Variants in GRIA1 observed in about 807,000 individuals in gnomAD.
GRIA1 encodes glutamate receptor 1.
Under a neutral mutation model 99.2 loss-of-function variants are expected in GRIA1, and 31 were observed. That is an observed-to-expected ratio of 0.31 (90% CI 0.23 to 0.42). The LOEUF (loss-of-function observed/expected upper bound fraction) is 0.42, where lower values mean the gene tolerates loss of function less well. Among genes scored for constraint, GRIA1 ranks in the 10% least tolerant of loss-of-function variants. The pLI is 1.00. For missense variants in GRIA1, 782 were observed against 1,157.5 expected, an observed-to-expected ratio of 0.68 and a Z score of 4.71; for synonymous variants, 438 against 432.4, an observed-to-expected ratio of 1.01 and a Z score of -0.16.
chr5:153,778,756 A>G (rs754521472), intron 13 of GRIA1, among the ~76,000 whole-genome samples: 13 of 152,078 alleles, frequency 8.5e-5, no homozygotes, highest in Non-Finnish European at 1.3e-4. Flanking sequence ...AGGTTATACA[A>G]TATACAAATA....
intron 5 of GRIA1, among the ~76,000 whole-genome samples, chr5:153,669,950 CA>C (rs1451243555): frequency 1.3e-5 from 2 of 152,114 alleles, no homozygotes; most frequent in Admixed American, 6.5e-5. Context: ...GTATTTTTTA[CA>C]TAGTGAACCT....
At chr5:153,649,011 T>C (rs1442783047) in intron 3 of GRIA1, among the ~76,000 whole-genome samples, 2 of 152,174 alleles carry the variant, frequency 1.3e-5, no homozygotes, top group African/African-American at 4.8e-5. Flanking sequence ...ACAAGGTCCT[T>C]AAATGTGGAA....
intron 8 of GRIA1, among the ~76,000 whole-genome samples, chr5:153,690,561 A>G (rs935305263): frequency 3.9e-5 from 6 of 152,216 alleles, no homozygotes; most frequent in African/African-American, 1.4e-4. Context: ...CGTAGCGGAC[A>G]TTCAGCCCAC....
intron 2 of GRIA1, among the ~76,000 whole-genome samples, chr5:153,627,324 G>A (rs1339645360): frequency 1.3e-5 from 2 of 152,198 alleles, no homozygotes; most frequent in African/African-American, 4.8e-5. Context: ...AAAGGTTTCA[G>A]AGTTACTAAT....
intron 11 of GRIA1, among the ~76,000 whole-genome samples, chr5:153,730,766 A>C (rs1193595314): frequency 1.3e-5 from 2 of 152,132 alleles, no homozygotes; most frequent in African/African-American, 4.8e-5. Flanking sequence ...GGACTTCATA[A>C]CGTCCCGGAC....
At chr5:153,640,845 T>C (rs1432597868) in intron 2 of GRIA1, among the ~76,000 whole-genome samples, 1 of 152,228 alleles carries the variant, frequency 6.6e-6, no homozygotes, top group African/African-American at 2.4e-5. Context: ...AATGATAACA[T>C]TGTATCTAGT....
chr5:153,534,938 A>G (rs1493394), intron 2 of GRIA1, among the ~76,000 whole-genome samples: 29 of 131,540 alleles, frequency 2.2e-4, no homozygotes, highest in Non-Finnish European at 3.5e-4. Flanking sequence ...GTTTTGTTTT[A>G]TTTTTGAGGT....
chr5:153,757,282 GA>G, intron 11 of GRIA1, among the ~76,000 whole-genome samples: 1 of 152,126 alleles, frequency 6.6e-6, no homozygotes, highest in Non-Finnish European at 1.5e-5. Context: ...ATAGAACAAA[GA>G]AAGCTTATAG....
intron 2 of GRIA1, among the ~76,000 whole-genome samples, chr5:153,499,382 G>A (rs575735293): frequency 2.0e-5 from 3 of 152,072 alleles, no homozygotes; most frequent in South Asian, 2.1e-4. Context: ...TTGGAAGGCC[G>A]AGGTGGGCAG....
At chr5:153,540,907 A>G (rs563008811) in intron 2 of GRIA1, among the ~76,000 whole-genome samples, 1 of 152,288 alleles carries the variant, frequency 6.6e-6, no homozygotes, top group South Asian at 2.1e-4. Flanking sequence ...TTGGGAATTG[A>G]ATGAACGTTG....
intron 13 of GRIA1, among the ~76,000 whole-genome samples, chr5:153,781,628 T>A (rs1040450311): frequency 1.1e-4 from 16 of 152,182 alleles, no homozygotes; most frequent in African/African-American, 3.9e-4. Context: ...ATCAAATCAG[T>A]TGCTGTGCCT....
At chr5:153,612,690 T>G (rs1402339006) in intron 2 of GRIA1, among the ~76,000 whole-genome samples, 1 of 152,218 alleles carries the variant, frequency 6.6e-6, no homozygotes, top group Non-Finnish European at 1.5e-5. Context: ...AGAAAAGAAC[T>G]TTGCATAATC....
intron 2 of GRIA1, among the ~76,000 whole-genome samples, chr5:153,574,069 C>T (rs1183368314): frequency 6.6e-6 from 1 of 152,180 alleles, no homozygotes; most frequent in Admixed American, 6.5e-5. Context: ...AGAGGCAACA[C>T]AGTGATAAGT....
chr5:153,775,013 T>C (rs969414131), intron 13 of GRIA1, among the ~76,000 whole-genome samples: 37 of 152,186 alleles, frequency 2.4e-4, no homozygotes, highest in African/African-American at 8.9e-4. Flanking sequence ...GGAGAGGGGC[T>C]GTTATGTTTC....
intron 2 of GRIA1, among the ~76,000 whole-genome samples, chr5:153,603,419 A>G (rs1482959991): frequency 1.3e-5 from 2 of 152,194 alleles, no homozygotes; most frequent in African/African-American, 2.4e-5. Context: ...CATGATTTAT[A>G]GCCCTTTGGC....
chr5:153,675,140 G>A (rs542374636), intron 6 of GRIA1, among the ~76,000 whole-genome samples: 36 of 152,290 alleles, frequency 2.4e-4, no homozygotes, highest in African/African-American at 7.7e-4. Flanking sequence ...GCTATTGATC[G>A]TATCTTGGAA....
At chr5:153,619,083 T>A (rs1766783390) in intron 2 of GRIA1, among the ~76,000 whole-genome samples, 1 of 152,190 alleles carries the variant, frequency 6.6e-6, no homozygotes, top group African/African-American at 2.4e-5. Context: ...CTCACTTAGG[T>A]CAGGGACAGA....
At chr5:153,762,115 CTA>C (rs1763225317) in intron 11 of GRIA1, among the ~76,000 whole-genome samples, 1 of 152,024 alleles carries the variant, frequency 6.6e-6, no homozygotes, top group African/African-American at 2.4e-5. Flanking sequence ...GGTAGGGTGA[CTA>C]TATTTAACAA....
intron 1 of GRIA1, chr5:153,491,315 C>G (rs1753896414): frequency 1.7e-6 from 2 of 1,194,364 alleles, no homozygotes; most frequent in East Asian, 8.5e-5. Context: ...GTAGATGGTG[C>G]TTGATTCCAT....
Sources: gnomAD v4.1 joint callset for allele counts (sites outside exome capture counted in the v4.1 genomes callset) on GRCh38, gnomAD v4.1.1 for gene constraint, MANE v1.5 for transcripts, NCBI Gene and HGNC (gene_info 2026-07-23, HGNC 2026-07-21) for gene names.